RBX1: variants seen among roughly 807,000 people sequenced by gnomAD.
RBX1 encodes E3 ubiquitin-protein ligase RBX1.
For missense variants in RBX1, 46 were observed against 141.4 expected (o/e 0.33, Z 3.42); for synonymous variants, 48 against 47.9 (o/e 1.00, Z -0.01).
At chr22:40,970,026 A>G (rs1362573738) in intron 4 of RBX1, among the ~76,000 whole-genome samples, 11 of 146,538 alleles carry the variant, frequency 7.5e-5, no homozygotes, top group Non-Finnish European at 3.0e-5. Flanking sequence ...ATGCCACTGC[A>G]CTCCAGCCTA....
intron 4 of RBX1, among the ~76,000 whole-genome samples, chr22:40,968,086 T>C (rs1056968188): frequency 7.7e-6 from 1 of 130,230 alleles, no homozygotes; most frequent in African/African-American, 2.9e-5. Flanking sequence ...TTTCCCAACC[T>C]TTTTTTTTTT....
At chr22:40,963,149 C>T (rs1470633418) in intron 2 of RBX1, among the ~76,000 whole-genome samples, 2 of 151,898 alleles carry the variant, frequency 1.3e-5, no homozygotes, top group African/African-American at 4.8e-5. Flanking sequence ...CATAGTTTTA[C>T]TATTTTTCAC....
intron 2 of RBX1, among the ~76,000 whole-genome samples, chr22:40,959,839 G>A (rs996155340): frequency 3.9e-5 from 6 of 151,988 alleles, no homozygotes; most frequent in Non-Finnish European, 8.8e-5. Flanking sequence ...AATCTTGGTC[G>A]GATGCAGTGG....
At chr22:40,968,824 G>C (rs905392588) in intron 4 of RBX1, among the ~76,000 whole-genome samples, 1 of 149,326 alleles carries the variant, frequency 6.7e-6, no homozygotes, top group African/African-American at 2.5e-5. Context: ...TAACATAAAA[G>C]TGAGTATCCT....
At chr22:40,969,258 G>C (rs1351461798) in intron 4 of RBX1, among the ~76,000 whole-genome samples, 3 of 152,122 alleles carry the variant, frequency 2.0e-5, no homozygotes, top group Non-Finnish European at 4.4e-5. Context: ...ATTGTGGTGG[G>C]CTGAGATCGC....
At chr22:40,966,917 A>G (rs903085088) in intron 3 of RBX1, 1 of 152,196 alleles carries the variant, frequency 6.6e-6, no homozygotes, top group Non-Finnish European at 1.5e-5. Context: ...TTGCAGAAGC[A>G]TTGTGATTAG....
intron 2 of RBX1, among the ~76,000 whole-genome samples, chr22:40,957,849 G>A (rs2058329820): frequency 6.6e-6 from 1 of 151,180 alleles, no homozygotes. Context: ...TTTTGGAGGC[G>A]GAGTCTCACA....
chr22:40,966,439 C>T (rs771091520), intron 3 of RBX1: 4 of 152,268 alleles, frequency 2.6e-5, no homozygotes, highest in Admixed American at 1.3e-4. Context: ...GAATACCCTT[C>T]GGTGAGCCCG....
chr22:40,970,940 G>A (rs1339265598), intron 4 of RBX1, among the ~76,000 whole-genome samples: 2 of 152,174 alleles, frequency 1.3e-5, no homozygotes, highest in Non-Finnish European at 2.9e-5. Flanking sequence ...CAAAATATAT[G>A]CTAAGTACCG....
chr22:40,955,765 A>G (rs939599281), intron 2 of RBX1, among the ~76,000 whole-genome samples: 2 of 152,216 alleles, frequency 1.3e-5, no homozygotes, highest in Non-Finnish European at 2.9e-5. Flanking sequence ...GAAAGCAGTC[A>G]TGGCTTATAC....
intron 2 of RBX1, among the ~76,000 whole-genome samples, chr22:40,959,222 AAGCTTTATAAATCACATGAT>A (rs2058333456): frequency 6.6e-6 from 1 of 152,158 alleles, no homozygotes; most frequent in South Asian, 2.1e-4. Context: ...AAAGGTCCCC[AAGCTTTATAAATCACATGAT>A]AGGCTTCTGC....
intron 4 of RBX1, 24 bp downstream of exon 4, chr22:40,967,908 CG>C: frequency 1.9e-6 from 3 of 1,548,962 alleles, no homozygotes; most frequent in Middle Eastern, 1.7e-4. Flanking sequence ...GTTGTTTTGA[CG>C]GGGCTTTTTG....
intron 3 of RBX1, 190 bp from the exon 4 acceptor site, chr22:40,967,609 A>G (rs762264026): frequency 1.9e-6 from 1 of 517,030 alleles, no homozygotes; most frequent in Non-Finnish European, 3.5e-6. Flanking sequence ...ATTTCTAACA[A>G]ATGCTTTGTT....
At position 40,967,944 on chromosome 22, in the gene RBX1, T is replaced by C; in HGVS notation, c.314+60T>C. ...GACTTGCCTCAGGCTGAAAGGAGCGTGGTCTTGGGGGATGGAGACATGATA... is the reference window on the plus strand; with the variant it reads ...GACTTGCCTCAGGCTGAAAGGAGCGCGGTCTTGGGGGATGGAGACATGATA... On this transcript the variant is annotated intron_variant, in intron 4 of 4. Coordinates refer to ENST00000216225, the MANE Select transcript of RBX1 (RefSeq NM_014248.4). 5.0e-6 allele frequency: 6 copies of C among 1,200,674 alleles called. No homozygotes were observed. In the South Asian group the frequency reaches 7.3e-5, roughly 15 times the overall value. 74.4% of individuals were successfully genotyped at this position (1,200,674 alleles called of 1,614,324 possible).
chr22:40,952,023 C>T (rs987783458), intron 1 of RBX1, among the ~76,000 whole-genome samples: 19 of 151,960 alleles, frequency 1.3e-4, no homozygotes, highest in African/African-American at 4.6e-4. Flanking sequence ...CCTCACACTG[C>T]CTGGTTAGAG....
intron 2 of RBX1, among the ~76,000 whole-genome samples, chr22:40,962,598 C>T (rs1292390809): frequency 6.6e-6 from 1 of 151,000 alleles, no homozygotes; most frequent in Non-Finnish European, 1.5e-5. Flanking sequence ...CGGATTCAAG[C>T]AATTCTTCTG....
At chr22:40,958,365 A>G (rs1286753981) in intron 2 of RBX1, among the ~76,000 whole-genome samples, 1 of 152,090 alleles carries the variant, frequency 6.6e-6, no homozygotes, top group Non-Finnish European at 1.5e-5. Flanking sequence ...AAAAAAATGG[A>G]TTTATCATTT....
intron 2 of RBX1, among the ~76,000 whole-genome samples, chr22:40,956,266 G>A (rs1436924904): frequency 6.6e-6 from 1 of 151,874 alleles, no homozygotes; most frequent in East Asian, 1.9e-4. Flanking sequence ...GTAGGATATT[G>A]AAATCCTATA....
At chr22:40,962,239 T>A (rs1304472239) in intron 2 of RBX1, among the ~76,000 whole-genome samples, 3 of 151,466 alleles carry the variant, frequency 2.0e-5, no homozygotes, top group African/African-American at 4.9e-5. Context: ...GTAACTGGGA[T>A]TGCAGACATG....
Sources: gnomAD v4.1 joint callset for allele counts (sites outside exome capture counted in the v4.1 genomes callset) on GRCh38, gnomAD v4.1.1 for gene constraint, MANE v1.5 for transcripts, NCBI Gene and HGNC (gene_info 2026-07-23, HGNC 2026-07-21) for gene names.